SLC2A13: variants seen among roughly 807,000 people sequenced by gnomAD.
SLC2A13 encodes the protein proton myo-inositol cotransporter.
SLC2A13 carries 32 observed loss-of-function variants against 64.4 expected under a neutral mutation model. That is an observed-to-expected ratio of 0.50 (90% CI 0.37 to 0.67). SLC2A13 has a LOEUF of 0.67. Ranked by LOEUF, SLC2A13 falls within the 30% of genes least tolerant of loss-of-function variation. The pLI is 0.00. For synonymous variants in SLC2A13, 338 were observed against 327.1 expected (o/e 1.03, Z -0.36); for missense variants, 743 against 829.2 (o/e 0.90, Z 1.28).
chr12:40,013,261 A>C (rs1486120970), intron 3 of SLC2A13, among the ~76,000 whole-genome samples: 1 of 152,054 alleles, frequency 6.6e-6, no homozygotes, highest in Non-Finnish European at 1.5e-5. Context: ...TGAGAAAGGG[A>C]TGGATTATGC....
chr12:39,876,763 C>G (rs1474314024), intron 4 of SLC2A13, among the ~76,000 whole-genome samples: 3 of 152,018 alleles, frequency 2.0e-5, no homozygotes, highest in Admixed American at 6.6e-5. Context: ...TGGCATGGGA[C>G]TATAAAGACG....
intron 3 of SLC2A13, among the ~76,000 whole-genome samples, chr12:39,955,528 AC>A (rs1414553488): frequency 6.6e-6 from 1 of 152,144 alleles, no homozygotes. Flanking sequence ...TTTTTTTAAG[AC>A]CAATAAAATT....
intron 3 of SLC2A13, among the ~76,000 whole-genome samples, chr12:39,977,011 G>T (rs1454727679): frequency 6.6e-6 from 1 of 152,134 alleles, no homozygotes; most frequent in East Asian, 1.9e-4. Flanking sequence ...AGGAAGGAAA[G>T]CATGAAAACA....
chr12:39,794,851 G>A (rs1294185900), intron 7 of SLC2A13, among the ~76,000 whole-genome samples: 12 of 152,060 alleles, frequency 7.9e-5, no homozygotes, highest in Admixed American at 3.3e-4. Flanking sequence ...TTCTCTCCAC[G>A]CATGAAGGAT....
rs550347478 is a variant in SLC2A13, at chr12:39,815,799, T to A, written c.1445+14304A>T. Among the ~76,000 whole-genome samples, 4 of 152,320 alleles carry A rather than the reference T, an allele frequency of 2.6e-5. No homozygotes were observed. The South Asian group carries it at 8.3e-4, about 32-fold the overall frequency. On this transcript the variant is annotated intron_variant, in intron 7 of 9. Transcript: ENST00000280871. ...CCAGTCTGGAAAAAACAAATAAATGTTGTTTTAGTTGTTAAGTTATAGCAC... is the reference window on the plus strand; with the variant it reads ...CCAGTCTGGAAAAAACAAATAAATGATGTTTTAGTTGTTAAGTTATAGCAC...
intron 3 of SLC2A13, among the ~76,000 whole-genome samples, chr12:39,962,092 C>T (rs1161573060): frequency 6.6e-6 from 1 of 152,116 alleles, no homozygotes; most frequent in Non-Finnish European, 1.5e-5. Flanking sequence ...TTTGTAACAT[C>T]AAACCACCTT....
chr12:39,884,468 C>T (rs909929976), intron 4 of SLC2A13, among the ~76,000 whole-genome samples: 1 of 152,132 alleles, frequency 6.6e-6, no homozygotes, highest in Admixed American at 6.5e-5. Context: ...ACAAGCCTAA[C>T]TATTCAATTA....
intron 7 of SLC2A13, 163 bp downstream of exon 7, chr12:39,829,940 T>C: frequency 2.3e-6 from 2 of 879,842 alleles, no homozygotes; most frequent in South Asian, 3.2e-5. Flanking sequence ...AACACACAAT[T>C]GCAATGCTTT....
chr12:40,021,214 G>A (rs1947710366), intron 3 of SLC2A13, among the ~76,000 whole-genome samples: 1 of 152,156 alleles, frequency 6.6e-6, no homozygotes, highest in Non-Finnish European at 1.5e-5. Flanking sequence ...CCGTGAGTAT[G>A]CTCAGTGGAA....
rs1942454381 is a variant in SLC2A13 at position 39,820,255 on chromosome 12, A to C, written c.1445+9848T>G. Reference sequence around the variant, plus strand: ...GATAAAATAAGACAGCATTCATCCTAACAGAGGGCAAGTGAAGACAGAGTG... The same window carrying C: ...GATAAAATAAGACAGCATTCATCCTCACAGAGGGCAAGTGAAGACAGAGTG... On this transcript the variant is annotated intron_variant, in intron 7 of 9. Transcript: ENST00000280871. 3.3e-5 allele frequency among the ~76,000 whole-genome samples: 5 copies of C among 152,280 alleles called. No homozygotes were observed. The South Asian group carries it at 1.0e-3, about 32-fold the overall frequency.
At chr12:39,972,084 T>TTATA (rs570621638) in intron 3 of SLC2A13, among the ~76,000 whole-genome samples, 2 of 136,312 alleles carry the variant, frequency 1.5e-5, no homozygotes, top group African/African-American at 5.5e-5. Flanking sequence ...GAATTTATAT[T>TTATA]TATATATATA....
chr12:40,071,188 T>G (rs1247666796), intron 1 of SLC2A13, among the ~76,000 whole-genome samples: 2 of 152,204 alleles, frequency 1.3e-5, no homozygotes, highest in Non-Finnish European at 2.9e-5. Context: ...TGTCTATTCT[T>G]TCACCACACT....
In SLC2A13 at chr12:39,809,271, T is replaced by C. The variant is rs113489413; in HGVS notation, c.1445+20832A>G. On this transcript the variant is annotated intron_variant, in intron 7 of 9. Coordinates refer to ENST00000280871, the MANE Select transcript of SLC2A13 (RefSeq NM_052885.4). ...GACTTTATTCTGTTCCCTTGATGTT[T>C]ATGTCTATTTTACCAACATCACATT... Among the ~76,000 whole-genome samples, 976 of 152,362 alleles carry C rather than the reference T, an allele frequency of 6.4e-3. 14 individuals carry two copies. The highest frequency in any genetic ancestry group is 0.022 in the African/African-American group (923 of 41,596).
chr12:40,089,852 C>G (rs756481927), intron 1 of SLC2A13, among the ~76,000 whole-genome samples: 10 of 152,072 alleles, frequency 6.6e-5, no homozygotes, highest in African/African-American at 1.4e-4. Context: ...TGTTATCAAG[C>G]ATAACAGCCA....
chr12:39,780,768 AATAC>A (rs1490468856), intron 7 of SLC2A13, among the ~76,000 whole-genome samples: 2 of 152,218 alleles, frequency 1.3e-5, no homozygotes, highest in Non-Finnish European at 2.9e-5. Flanking sequence ...GTCTTTTAAT[AATAC>A]ATACACGAAA....
intron 7 of SLC2A13, among the ~76,000 whole-genome samples, chr12:39,784,233 T>A (rs1014364350): frequency 1.2e-4 from 18 of 152,132 alleles, no homozygotes; most frequent in African/African-American, 4.3e-4. Context: ...ACTTTAAAGT[T>A]CATATGGAAC....
chr12:39,796,807 T>C (rs1941591533), intron 7 of SLC2A13, among the ~76,000 whole-genome samples: 1 of 152,200 alleles, frequency 6.6e-6, no homozygotes, highest in South Asian at 2.1e-4. Flanking sequence ...TCCTGCTAGA[T>C]GGTTTTGTAC....
intron 4 of SLC2A13, 108 bp downstream of exon 4, chr12:39,951,149 T>A: frequency 1.1e-6 from 1 of 887,894 alleles, no homozygotes; most frequent in Non-Finnish European, 1.7e-6. Flanking sequence ...ATACATTTAA[T>A]CAGAACAAAT....
intron 4 of SLC2A13, among the ~76,000 whole-genome samples, chr12:39,881,674 C>T (rs1042953623): frequency 6.6e-6 from 1 of 152,136 alleles, no homozygotes; most frequent in Non-Finnish European, 1.5e-5. Context: ...TGAACTAAGT[C>T]TAGACGTGAG....
Sources: allele counts gnomAD v4.1 joint callset (sites outside exome capture counted in the v4.1 genomes callset), GRCh38; gene constraint gnomAD v4.1.1; transcripts MANE v1.5; gene names NCBI Gene and HGNC (gene_info 2026-07-23, HGNC 2026-07-21).